The following FGL1 variants were observed in gnomAD, a reference collection of about 807,000 sequenced individuals.
FGL1 encodes fibrinogen-like protein 1.
Under a neutral mutation model 43.7 loss-of-function variants are expected in FGL1, and 59 were observed. That is an observed-to-expected ratio of 1.35 (90% CI 1.10 to 1.68). The LOEUF is 1.68. FGL1 is among the 40% of genes most tolerant of loss of function. The pLI is 0.00. For synonymous variants in FGL1, 192 were observed against 126.5 expected (o/e 1.52, Z -3.48); for missense variants, 596 against 373.0 (o/e 1.60, Z -4.92).
chr8:17,875,533 T>TCTCTCTCTCTC lies in FGL1; in HGVS notation c.245-1013_245-1012insGAGAGAGAGAG, dbSNP rs2053436900. On this transcript the variant is annotated intron_variant, in intron 3 of 7. Coordinates refer to ENST00000427924, the MANE Select transcript of FGL1 (RefSeq NM_004467.4). ...TTTCTTTCTTTCTTTCTTTCTTTCT[T>TCTCTCTCTCTC]TCTCTTTCTTTCTTTCTTTCTTTCT... is the stretch of plus-strand genomic sequence containing the variant. Among the ~76,000 whole-genome samples the TCTCTCTCTCTC allele has an allele frequency of 3.4e-4, 4 of 11,888 alleles. 1 individual carries two copies. The highest frequency in any genetic ancestry group is 9.2e-4 in the African/African-American group (4 of 4,334). The allele number at this position is 11,888 out of a possible 152,430, so 7.8% of individuals were successfully genotyped here. A position where few individuals can be genotyped will look rare whatever the true frequency, so the allele number is the denominator to read the frequency against.
chr8:17,869,809 G>A (rs895163044), intron 5 of FGL1, among the ~76,000 whole-genome samples: 3 of 152,156 alleles, frequency 2.0e-5, no homozygotes, highest in Admixed American at 2.0e-4. Flanking sequence ...ACATGTGAAA[G>A]CATTTTAAGA....
At chr8:17,883,849 T>C (rs2053588030) in intron 2 of FGL1, among the ~76,000 whole-genome samples, 1 of 147,640 alleles carries the variant, frequency 6.8e-6, no homozygotes, top group Non-Finnish European at 1.5e-5. Flanking sequence ...TCAGAACCTC[T>C]CCCAGATATC....
At chr8:17,894,498 G>A (rs1372986237) in intron 1 of FGL1, among the ~76,000 whole-genome samples, 1 of 147,000 alleles carries the variant, frequency 6.8e-6, no homozygotes, top group Non-Finnish European at 1.5e-5. Context: ...AAATATAGTT[G>A]ATCCCTCAAG....
chr8:17,878,496 C>G (rs2053489539), intron 3 of FGL1, among the ~76,000 whole-genome samples: 1 of 152,152 alleles, frequency 6.6e-6, no homozygotes. Flanking sequence ...AGGGGAGATG[C>G]TGGAGCCAGT....
At chr8:17,887,620 C>G (rs1002673594) in intron 1 of FGL1, among the ~76,000 whole-genome samples, 3 of 152,064 alleles carry the variant, frequency 2.0e-5, no homozygotes, top group African/African-American at 7.2e-5. Context: ...GAGGCCGAGG[C>G]GGGCGGATCA....
intron 1 of FGL1, among the ~76,000 whole-genome samples, chr8:17,890,197 T>C (rs2053684634): frequency 6.6e-6 from 1 of 152,178 alleles, no homozygotes; most frequent in African/African-American, 2.4e-5. Context: ...CAATCATTTC[T>C]CACCACCTCT....
intron 5 of FGL1, among the ~76,000 whole-genome samples, chr8:17,871,915 C>T (rs1266359860): frequency 2.0e-5 from 3 of 152,084 alleles, no homozygotes; most frequent in Non-Finnish European, 4.4e-5. Flanking sequence ...AAAAATAATA[C>T]GTTTGAATTT....
chr8:17,869,848 G>A (rs984099208), intron 5 of FGL1, among the ~76,000 whole-genome samples: 1 of 152,176 alleles, frequency 6.6e-6, no homozygotes, highest in African/African-American at 2.4e-5. Context: ...GGTGGCTCAC[G>A]CCTGTAATCC....
rs745671326 is a variant in FGL1 at position 17,868,940 on chromosome 8, C to G, written c.567G>C (p.Lys189Asn). ...FEKNSRYAQYKNFKVGDEKNF... is the reference protein window; with the variant it reads ...FEKNSRYAQYNNFKVGDEKNF... The stretch of plus-strand genomic sequence containing the variant: ...CCTTTTCATCTCCAACTTTGAAATT[C>G]TTATATTGTGCATAACGGCTATTTT... The change falls in exon 6 of 8, where the codon AAG becomes AAC. Residue 189 changes from lysine to asparagine, a missense_variant. Transcript: ENST00000427924. 2 of 1,602,158 alleles carry G rather than the reference C, an allele frequency of 1.2e-6. No homozygotes were observed. The highest frequency in any genetic ancestry group is 2.7e-5 in the African/African-American group (2 of 74,232).
At chr8:17,870,934 C>A (rs35270037) in intron 5 of FGL1, among the ~76,000 whole-genome samples, 1 of 134,994 alleles carries the variant, frequency 7.4e-6, no homozygotes. Flanking sequence ...TTAGCCTCCC[C>A]TCAAGCTTAA....
chr8:17,867,474 A>G (rs2053287127), intron 7 of FGL1, among the ~76,000 whole-genome samples: 1 of 152,232 alleles, frequency 6.6e-6, no homozygotes, highest in Non-Finnish European at 1.5e-5. Context: ...CATACCTATG[A>G]CAAAGTTAAT....
chr8:17,882,069 A>G lies in FGL1; in HGVS notation c.174T>C (p.Asn58=). Residue 58 remains asparagine, a synonymous_variant, in exon 3 of 8, where the codon AAT becomes AAC. Coordinates refer to ENST00000427924, the MANE Select transcript of FGL1 (RefSeq NM_004467.4). ...CTCCTTTATCAAGGAACTGGACTTC[A>G]TTCTCCTGCAAAAGCTGCTTGATCT... ...QVKIKQLLQE[N]EVQFLDKGDE... is the part of the protein sequence containing the mutation. 3 of 1,614,060 alleles carry G rather than the reference A, an allele frequency of 1.9e-6. No individual in the cohort carries two copies. The highest frequency in any genetic ancestry group is 2.5e-6 in the Non-Finnish European group (3 of 1,179,986).
At chr8:17,869,749 C>T (rs1012354912) in intron 5 of FGL1, among the ~76,000 whole-genome samples, 6 of 152,164 alleles carry the variant, frequency 3.9e-5, no homozygotes, top group African/African-American at 1.4e-4. Flanking sequence ...GGAAAATATA[C>T]TAACATCAAT....
At chr8:17,864,899 A>C in intron 7 of FGL1, 148 bp from the exon 8 acceptor site, 1 of 586,610 alleles carries the variant, frequency 1.7e-6, no homozygotes, top group Non-Finnish European at 2.6e-6. Flanking sequence ...TAGTTTCCAA[A>C]AGCTGAGAAA....
chr8:17,884,145 A>G (rs1281639174), intron 2 of FGL1, among the ~76,000 whole-genome samples: 7 of 143,416 alleles, frequency 4.9e-5, no homozygotes, highest in African/African-American at 1.8e-4. Flanking sequence ...CCCTAGGTCC[A>G]AGTCACAGAA....
intron 7 of FGL1, among the ~76,000 whole-genome samples, chr8:17,868,172 G>C (rs2131693485): frequency 6.6e-6 from 1 of 152,220 alleles, no homozygotes; most frequent in East Asian, 1.9e-4. Flanking sequence ...AATAACGGTG[G>C]CTCTTTTGTG....
intron 5 of FGL1, 143 bp downstream of exon 5, chr8:17,873,876 G>T (rs2053402249): frequency 1.7e-5 from 8 of 477,786 alleles, no homozygotes; most frequent in South Asian, 5.2e-5. Context: ...TTACATTTGG[G>T]ATTATTGCCC....
intron 1 of FGL1, among the ~76,000 whole-genome samples, chr8:17,889,029 G>T (rs185922955): frequency 6.6e-6 from 1 of 152,096 alleles, no homozygotes; most frequent in Non-Finnish European, 1.5e-5. Flanking sequence ...GACAGTAAGC[G>T]TAGTTCCACA....
In FGL1 at chr8:17,881,138, A is replaced by ATTTTTTTTTTTTTTTTT. The variant is rs34570292; in HGVS notation, c.244+860_244+861insAAAAAAAAAAAAAAAAA. Among the ~76,000 whole-genome samples the ATTTTTTTTTTTTTTTTT allele has an allele frequency of 3.1e-3, 444 of 142,868 alleles. 17 individuals are homozygous for ATTTTTTTTTTTTTTTTT. The highest frequency in any genetic ancestry group is 0.011 in the African/African-American group (402 of 36,772). 93.7% of individuals were successfully genotyped at this position (142,868 alleles called of 152,430 possible). On this transcript the variant is annotated intron_variant, in intron 3 of 7. Transcript: ENST00000427924. ...ATTGTAATCTGCCATGTGTACACGG[A>ATTTTTTTTTTTTTTTTT]TTTTTTTTTTTTTTTTGAGACAGAG...
Sources: gnomAD v4.1 joint callset for allele counts (sites outside exome capture counted in the v4.1 genomes callset) on GRCh38, gnomAD v4.1.1 for gene constraint, MANE v1.5 for transcripts, NCBI Gene and HGNC (gene_info 2026-07-23, HGNC 2026-07-21) for gene names.